The following LONRF1 variants were observed in gnomAD, a reference collection of about 807,000 sequenced individuals.
LONRF1 encodes LON peptidase N-terminal domain and ring finger 1, also known as LON peptidase N-terminal domain and RING finger protein 1.
A neutral mutation model predicts 85.8 loss-of-function variants in LONRF1; 37 were observed. The ratio of observed to expected loss-of-function variants is 0.43; its 90% CI spans 0.33 to 0.57. LONRF1 has a LOEUF of 0.57. Among genes scored for constraint, LONRF1 ranks in the 20% least tolerant of loss-of-function variants. LONRF1 has a pLI of 0.04. For synonymous variants in LONRF1, 517 were observed against 390.1 expected (o/e 1.33, Z -3.83); for missense variants, 1,036 against 978.0 (o/e 1.06, Z -0.79).
rs1378946191 is a variant in LONRF1, at chr8:12,735,673, T to TA, written c.1452-274dup. 3 of 312,162 alleles carry TA rather than the reference T, an allele frequency of 9.6e-6. No homozygotes were observed. In the Admixed American group the frequency reaches 1.4e-4, roughly 15 times the overall value. 19.3% of individuals were successfully genotyped at this position (312,162 alleles called of 1,614,324 possible). A position where few individuals can be genotyped will look rare whatever the true frequency, so the allele number is the denominator to read the frequency against. On this transcript the variant is annotated intron_variant, in intron 6 of 11. Transcript: ENST00000398246. ...AACAGCCCCTGGACACTATGGCTAC[T>TA]AATCACTTGAAATGTGGCTAGTACA...
At chr8:12,746,719 C>T (rs1222454737) in intron 1 of LONRF1, among the ~76,000 whole-genome samples, 5 of 152,178 alleles carry the variant, frequency 3.3e-5, no homozygotes, top group Non-Finnish European at 7.3e-5. Flanking sequence ...GGATTGTCCA[C>T]ATTTTTATAG....
chr8:12,743,372 T>A (rs1585248496), intron 1 of LONRF1, 90 bp from the exon 2 acceptor site: 2 of 845,616 alleles, frequency 2.4e-6, no homozygotes, highest in Non-Finnish European at 3.7e-6. Context: ...AAGAAATGAC[T>A]TAGTGATTCC....
At position 12,744,870 on chromosome 8, in the gene LONRF1, A is replaced by AT. The variant is rs201869338; in HGVS notation, c.722-1589dup. Among the ~76,000 whole-genome samples the AT allele has an allele frequency of 1.8e-3, 79 of 43,262 alleles. 2 individuals carry two copies. In the East Asian group the frequency reaches 0.11, roughly 58 times the overall value. 28.4% of individuals were successfully genotyped at this position (43,262 alleles called of 152,430 possible). A position where few individuals can be genotyped will look rare whatever the true frequency, so the allele number is the denominator to read the frequency against. Reference sequence around the variant, plus strand: ...ACTGCAACAAGCAGCCCATTCTTGGATTTTTATTTTTTTTAACTTCCATTT... The same window carrying AT: ...ACTGCAACAAGCAGCCCATTCTTGGATTTTTTATTTTTTTTAACTTCCATTT... On this transcript the variant is annotated intron_variant, in intron 1 of 11. Coordinates refer to ENST00000398246, the MANE Select transcript of LONRF1 (RefSeq NM_152271.5).
In LONRF1 at chr8:12,743,529, A is replaced by T. The variant is rs140149960; in HGVS notation, c.722-247T>A. ...AGGAAACTGTTTTCCAGAATACTGTAAATACTTTTATAATATGAATAATCA... is the reference window on the plus strand; with the variant it reads ...AGGAAACTGTTTTCCAGAATACTGTTAATACTTTTATAATATGAATAATCA... On this transcript the variant is annotated intron_variant, in intron 1 of 11. Transcript: ENST00000398246. 6.7e-3 allele frequency among the ~76,000 whole-genome samples: 1,026 copies of T among 152,278 alleles called. 4 individuals carry two copies. Among genetic ancestry groups the T allele is most frequent in the Non-Finnish European group, 0.011 (732 of 67,988 alleles).
intron 1 of LONRF1, among the ~76,000 whole-genome samples, chr8:12,745,405 C>CGCTT (rs112293094): frequency 6.6e-6 from 1 of 151,196 alleles, no homozygotes; most frequent in Admixed American, 6.6e-5. Context: ...AGGACCATCA[C>CGCTT]ACTGATCTCA....
intron 8 of LONRF1, among the ~76,000 whole-genome samples, 174 bp downstream of exon 8, chr8:12,731,562 C>T (rs954764896): frequency 3.9e-5 from 6 of 152,064 alleles, no homozygotes; most frequent in Admixed American, 2.0e-4. Flanking sequence ...ATAAAACATC[C>T]GGATGTTACC....
rs1798268873 is a variant in LONRF1, at chr8:12,725,658, A to C, written c.2163+69T>G. On this transcript the variant is annotated intron_variant, in intron 11 of 11. Coordinates refer to ENST00000398246, the MANE Select transcript of LONRF1 (RefSeq NM_152271.5). ...AGTGCAGAAAGGACAATGAGAAAACAAATGTAGAAGTGTGCAAATTTGGGT... is the reference window on the plus strand; with the variant it reads ...AGTGCAGAAAGGACAATGAGAAAACCAATGTAGAAGTGTGCAAATTTGGGT... 6 of 1,475,130 alleles carry C rather than the reference A, an allele frequency of 4.1e-6. No individual in the cohort carries two copies. The Admixed American group carries it at 5.9e-5, about 15-fold the overall frequency. 91.4% of individuals were successfully genotyped at this position (1,475,130 alleles called of 1,614,324 possible). A position where few individuals can be genotyped will look rare whatever the true frequency, so the allele number is the denominator to read the frequency against.
At chr8:12,738,290 T>C (rs1355451287) in intron 3 of LONRF1, 146 bp from the exon 4 acceptor site, 2 of 555,154 alleles carry the variant, frequency 3.6e-6, no homozygotes, top group East Asian at 3.3e-5. Flanking sequence ...TAAGCAACAC[T>C]GTAAGTTCAA....
intron 1 of LONRF1, among the ~76,000 whole-genome samples, chr8:12,749,149 A>T (rs902936442): frequency 6.6e-6 from 1 of 152,264 alleles, no homozygotes; most frequent in African/African-American, 2.4e-5. Flanking sequence ...TGTTGATAAC[A>T]TTCCAAAATA....
chr8:12,731,341 A>T (rs967295983), intron 8 of LONRF1, among the ~76,000 whole-genome samples: 1 of 152,162 alleles, frequency 6.6e-6, no homozygotes, highest in African/African-American at 2.4e-5. Context: ...CCGGGCCTCC[A>T]TGTGACAGAA....
chr8:12,741,616 G>T (rs879924003), intron 2 of LONRF1, among the ~76,000 whole-genome samples: 1 of 151,916 alleles, frequency 6.6e-6, no homozygotes, highest in Non-Finnish European at 1.5e-5. Context: ...TTTAATTTGA[G>T]GGAAAAGGAA....
At chr8:12,735,841 T>C (rs557625959) in intron 6 of LONRF1, among the ~76,000 whole-genome samples, 4 of 152,334 alleles carry the variant, frequency 2.6e-5, no homozygotes, top group South Asian at 4.1e-4. Flanking sequence ...AACTTAAAAA[T>C]GATTCCTTAA....
At chr8:12,747,157 T>A (rs1479750206) in intron 1 of LONRF1, among the ~76,000 whole-genome samples, 1 of 152,206 alleles carries the variant, frequency 6.6e-6, no homozygotes, top group Non-Finnish European at 1.5e-5. Context: ...TTATACCCAG[T>A]ATTATTTGTA....
chr8:12,753,912 C>G (rs938236308), intron 1 of LONRF1: 4 of 152,282 alleles, frequency 2.6e-5, no homozygotes, highest in Non-Finnish European at 4.4e-5. Context: ...CTCATCTTTA[C>G]CATAAGCTAG....
chr8:12,754,656 G>C (rs935502700), intron 1 of LONRF1, 44 bp downstream of exon 1: 4 of 1,295,882 alleles, frequency 3.1e-6, no homozygotes, highest in South Asian at 4.9e-5. Context: ...TCGGGGCCAG[G>C]AGGGTGCGGT....
Position 12,737,998 on chromosome 8 carries a change from C to T in LONRF1, c.1110G>A (p.Lys370=). 1 of 1,603,074 alleles carries T rather than the reference C, an allele frequency of 6.2e-7. No individual in the cohort carries two copies. The highest frequency in any genetic ancestry group is 8.5e-7 in the Non-Finnish European group (1 of 1,176,378). The change falls in exon 4 of 12, where the codon AAG becomes AAA. Residue 370 remains lysine, a synonymous_variant. Transcript: ENST00000398246. ...ATAACCTTGTCTCACCCCGTACCTG[C>T]TTTGGGCTAGGTTCATTGAGAGACT... The part of the protein sequence containing the change: ...ESQSLNEPSP[K]QSEEIPEVTS...
chr8:12,753,561 C>G (rs1350046044), intron 1 of LONRF1: 1 of 152,200 alleles, frequency 6.6e-6, no homozygotes, highest in African/African-American at 2.4e-5. Context: ...CACTAGATGT[C>G]GGTACCAGCA....
intron 7 of LONRF1, 22 bp from the exon 8 acceptor site, chr8:12,731,879 C>T (rs1202156766): frequency 6.2e-7 from 1 of 1,603,998 alleles, no homozygotes; most frequent in Non-Finnish European, 8.5e-7. Context: ...TATTATTTTA[C>T]ATTCCAGCAG....
At chr8:12,742,103 CA>C in intron 2 of LONRF1, among the ~76,000 whole-genome samples, 1 of 152,196 alleles carries the variant, frequency 6.6e-6, no homozygotes, top group Non-Finnish European at 1.5e-5. Context: ...ACTTCTGTGG[CA>C]AATCCAAAAG....
Sources: gnomAD v4.1 joint callset for allele counts (sites outside exome capture counted in the v4.1 genomes callset) on GRCh38, gnomAD v4.1.1 for gene constraint, MANE v1.5 for transcripts, NCBI Gene and HGNC (gene_info 2026-07-23, HGNC 2026-07-21) for gene names.